The following CRHR2 variants were observed in gnomAD, a reference collection of about 807,000 sequenced individuals.
The protein encoded by CRHR2 is corticotropin releasing hormone receptor 2, also known as corticotropin-releasing hormone receptor 2.
Under a neutral mutation model 57.9 loss-of-function variants are expected in CRHR2, and 53 were observed. The ratio of observed to expected loss-of-function variants is 0.92; its 90% CI spans 0.73 to 1.15. CRHR2 has a LOEUF of 1.15. Ranked by LOEUF, CRHR2 falls within the 50% of genes most tolerant of loss-of-function variation. The probability of loss-of-function intolerance (pLI) is 0.00; values close to 1 mark genes in which losing one functional copy is unlikely to be tolerated. For synonymous variants in CRHR2, 213 were observed against 220.9 expected, an observed-to-expected ratio of 0.96 and a Z score of 0.32; for missense variants, 532 against 542.6, an observed-to-expected ratio of 0.98 and a Z score of 0.19.
chr7:30,677,176 A>C (rs1001911901), intron 2 of CRHR2, among the ~76,000 whole-genome samples: 9 of 151,992 alleles, frequency 5.9e-5, no homozygotes, highest in African/African-American at 2.2e-4. Context: ...CGGGGGATGA[A>C]GAAGGCAGTA....
intron 2 of CRHR2, among the ~76,000 whole-genome samples, chr7:30,668,324 C>G (rs150311185): frequency 6.6e-6 from 1 of 152,016 alleles, no homozygotes; most frequent in African/African-American, 2.4e-5. Flanking sequence ...CCGGAGCTCT[C>G]GAAGCCTGCC....
rs1366926620 is a variant in CRHR2, at chr7:30,665,675, A to G, written c.316-36T>C. 3 of 1,526,000 alleles carry G rather than the reference A, an allele frequency of 2.0e-6. No individual in the cohort carries two copies. Among genetic ancestry groups the G allele is most frequent in the Admixed American group, 2.0e-5 (1 of 50,904 alleles). The allele number at this position is 1,526,000 out of a possible 1,614,324, so 94.5% of individuals were successfully genotyped here. ...AGACATGGGCAGGGCAGATGGAGGC[A>G]TGGGCACGTGGGGGTGGGGCTGGGT... On this transcript the variant is annotated intron_variant, in intron 3 of 11. Coordinates refer to ENST00000471646, the MANE Select transcript of CRHR2 (RefSeq NM_001883.5). This position sits in a 1 kb window ranked among gnomAD's most constrained non-coding sequence, Gnocchi z 4.5.
chr7:30,678,301 A>T (rs1179707976), intron 2 of CRHR2, among the ~76,000 whole-genome samples: 1 of 152,208 alleles, frequency 6.6e-6, no homozygotes, highest in Non-Finnish European at 1.5e-5. Flanking sequence ...CAGTTTCCCC[A>T]TGTGTAAAAT....
chr7:30,683,822 C>A (rs371909951), upstream of CRHR2, among the ~76,000 whole-genome samples: 9 of 152,310 alleles, frequency 5.9e-5, no homozygotes, highest in South Asian at 1.0e-3. Flanking sequence ...AGTCCTGTTC[C>A]CCTGCCATCC....
At position 30,656,871 on chromosome 7, in the gene CRHR2, C is replaced by T. The variant is rs927093896; in HGVS notation, c.832-859G>A. 2.6e-5 allele frequency among the ~76,000 whole-genome samples: 4 copies of T among 152,184 alleles called. No homozygotes were observed. Among genetic ancestry groups the T allele is most frequent in the Admixed American group, 6.5e-5 (1 of 15,284 alleles). On this transcript the variant is annotated intron_variant, in intron 8 of 11. Coordinates refer to ENST00000471646, the MANE Select transcript of CRHR2 (RefSeq NM_001883.5). This position sits in a 1 kb window ranked among gnomAD's most constrained non-coding sequence, Gnocchi z 4.4. The stretch of plus-strand genomic sequence containing the variant: ...TTAAGCACTTGTGCAAGTGTGTTTG[C>T]CTCACAGAGCGTGTGCATGTGTGAG...
intron 1 of CRHR2, among the ~76,000 whole-genome samples, chr7:30,691,843 A>AG (rs762710709): frequency 1.3e-5 from 2 of 152,126 alleles, no homozygotes; most frequent in Non-Finnish European, 2.9e-5. Flanking sequence ...CAGAGCCCCT[A>AG]GTGGTGGTGG....
chr7:30,695,353 C>T (rs1785036298), intron 1 of CRHR2, among the ~76,000 whole-genome samples: 1 of 152,096 alleles, frequency 6.6e-6, no homozygotes, highest in African/African-American at 2.4e-5. Context: ...CTGTGCTCGG[C>T]CAAGTTCGTC....
At chr7:30,682,634 TC>T, upstream of CRHR2, 1 of 518,880 alleles carries the variant, frequency 1.9e-6, no homozygotes, top group Non-Finnish European at 2.6e-6. Context: ...GCAGCTCTCT[TC>T]CACTCGCGGC....
intron 7 of CRHR2, among the ~76,000 whole-genome samples, chr7:30,661,344 A>G (rs1783991278): frequency 1.3e-5 from 2 of 152,284 alleles, no homozygotes; most frequent in South Asian, 4.1e-4. Context: ...CCTGCCTCAG[A>G]TAGGATTCTC....
exon 1 of CRHR2, chr7:30,700,002 A>G: frequency 6.9e-7 from 1 of 1,454,542 alleles, no homozygotes; most frequent in Non-Finnish European, 9.0e-7. Context: ...TGGGACGTAG[A>G]GGAGGCCTGG....
intron 1 of CRHR2, among the ~76,000 whole-genome samples, chr7:30,696,892 T>A (rs1188895423): frequency 6.6e-6 from 1 of 152,042 alleles, no homozygotes; most frequent in Non-Finnish European, 1.5e-5. Flanking sequence ...GCTGCAAATT[T>A]GAGATTTAGG....
chr7:30,682,488 C>G, upstream of CRHR2: 1 of 1,320,318 alleles, frequency 7.6e-7, no homozygotes, highest in Non-Finnish European at 9.6e-7. Flanking sequence ...CCGCCGAGTG[C>G]ACGGAGCTGC....
At chr7:30,673,008 A>T in intron 2 of CRHR2, among the ~76,000 whole-genome samples, 1 of 152,192 alleles carries the variant, frequency 6.6e-6, no homozygotes, top group East Asian at 1.9e-4. Flanking sequence ...GTTTCAGCAG[A>T]TGCAGCCAGT....
intron 2 of CRHR2, among the ~76,000 whole-genome samples, 191 bp from the exon 3 acceptor site, chr7:30,667,504 G>A (rs1784225408): frequency 1.3e-5 from 2 of 152,168 alleles, no homozygotes; most frequent in South Asian, 2.1e-4. Flanking sequence ...TTACAAAATA[G>A]CTAAAGGCAT....
Position 30,681,995 on chromosome 7 carries a change from C to G in CRHR2, c.149G>C (p.Cys50Ser), listed in dbSNP as rs759093022. The G allele has an allele frequency of 5.6e-6, 9 of 1,607,014 alleles. No individual in the cohort carries two copies. The South Asian group carries it at 1.0e-4, about 18-fold the overall frequency. The change falls in exon 2 of 12, where the codon TGC (cysteine) becomes TCC (serine). Residue 50 changes from cysteine (C) to serine (S), a missense_variant. Transcript: ENST00000471646. The part of the protein sequence containing the change: ...CNTTLDQIGT[C>S]WPRSAAGALV... ...GGCTCCGGCAGCGCTGCGGGGCCAG[C>G]ACGTTCCGATCTGGTCCAAGGTCGT...
chr7:30,681,882 G>C, intron 2 of CRHR2, 33 bp downstream of exon 2: 1 of 1,601,798 alleles, frequency 6.2e-7, no homozygotes, highest in Non-Finnish European at 8.5e-7. Context: ...GGAGGCCGGT[G>C]TAGAGCAGGC....
intron 1 of CRHR2, among the ~76,000 whole-genome samples, chr7:30,694,585 G>T (rs1339347659): frequency 2.6e-5 from 4 of 152,202 alleles, no homozygotes; most frequent in African/African-American, 9.6e-5. Flanking sequence ...GGCCCAGGCT[G>T]CCAGGGACCG....
intron 2 of CRHR2, among the ~76,000 whole-genome samples, chr7:30,678,897 C>T (rs1389559009): frequency 6.6e-6 from 1 of 152,202 alleles, no homozygotes; most frequent in Admixed American, 6.5e-5. Flanking sequence ...CTTCTCCTTT[C>T]CCTCCAGAGG....
Position 30,682,348 on chromosome 7 carries a change from C to A in CRHR2, c.-68G>T, listed in dbSNP as rs1364590895. On this transcript the variant is annotated 5_prime_UTR_variant, in exon 1 of 12. Coordinates refer to ENST00000471646, the MANE Select transcript of CRHR2 (RefSeq NM_001883.5). The stretch of plus-strand genomic sequence containing the variant: ...CCCGGCGTGACTGCGAGGGAGTGGA[C>A]GCGAGAGTGAGCGGCCGAGAGGGCG... 6.9e-7 allele frequency: 1 copy of A among 1,446,670 alleles called. No individual in the cohort carries two copies. Among genetic ancestry groups the A allele is most frequent in the South Asian group, 1.4e-5 (1 of 71,282 alleles). 89.6% of individuals were successfully genotyped at this position (1,446,670 alleles called of 1,614,324 possible). A position where few individuals can be genotyped will look rare whatever the true frequency, so the allele number is the denominator to read the frequency against.
Sources: gnomAD v4.1 joint callset for allele counts (sites outside exome capture counted in the v4.1 genomes callset) on GRCh38, gnomAD v4.1.1 for gene constraint, Gnocchi (gnomAD v3.1) non-coding constraint, MANE v1.5 for transcripts, NCBI Gene and HGNC (gene_info 2026-07-23, HGNC 2026-07-21) for gene names.